Variants in TLL2 observed in about 807,000 individuals in gnomAD.
TLL2 encodes tolloid-like protein 2.
In TLL2, 106 loss-of-function variants were observed where a neutral mutation model predicts 123.0. The observed-to-expected ratio is 0.86, with a 90% confidence interval of 0.74 to 1.01. TLL2 has a LOEUF of 1.01. TLL2 is among the 50% of genes least tolerant of loss of function. TLL2 has a pLI of 0.00. For missense variants in TLL2, 1,332 were observed against 1,336.7 expected (o/e 1.00, Z 0.06); for synonymous variants, 494 against 516.8 (o/e 0.96, Z 0.60).
intron 8 of TLL2, 160 bp from the exon 9 acceptor site, chr10:96,410,634 A>G: frequency 4.3e-6 from 3 of 702,104 alleles, no homozygotes; most frequent in East Asian, 5.5e-5. Flanking sequence ...TTTCTGGCTA[A>G]CAAAAGCACA....
Position 96,386,846 on chromosome 10 carries a change from T to C in TLL2, c.1852+107A>G. 2.0e-6 allele frequency: 3 copies of C among 1,514,380 alleles called. No homozygotes were observed. The South Asian group carries it at 3.6e-5, about 18-fold the overall frequency. The allele number at this position is 1,514,380 out of a possible 1,614,324, so 93.8% of individuals were successfully genotyped here. ...TGGGTCTTCCACCATGTCTGCCCAT[T>C]GCCCATCGTTCCTACACAGCCAGCT... On this transcript the variant is annotated intron_variant, in intron 14 of 20. Coordinates refer to ENST00000357947, the MANE Select transcript of TLL2 (RefSeq NM_012465.4).
rs1356127683 is a variant in TLL2 at position 96,367,401 on chromosome 10, C to T, written c.*687G>A. 2.6e-5 allele frequency: 4 copies of T among 152,256 alleles called. No homozygotes were observed. The highest frequency in any genetic ancestry group is 9.6e-5 in the African/African-American group (4 of 41,452). The allele number at this position is 152,256 out of a possible 1,614,324, so 9.4% of individuals were successfully genotyped here. A position where few individuals can be genotyped will look rare whatever the true frequency, so the allele number is the denominator to read the frequency against. ...GTTCTGCTGTATTCATAATGGATGC[C>T]TTAGCCCCCACTGCAATTAGGGAGG... On this transcript the variant is annotated 3_prime_UTR_variant, in exon 21 of 21. Coordinates refer to ENST00000357947, the MANE Select transcript of TLL2 (RefSeq NM_012465.4).
intron 2 of TLL2, among the ~76,000 whole-genome samples, chr10:96,447,133 G>T (rs1344066995): frequency 6.6e-6 from 1 of 152,196 alleles, no homozygotes; most frequent in African/African-American, 2.4e-5. Context: ...GCCATGTGGA[G>T]ATCTGGCCAG....
intron 5 of TLL2, among the ~76,000 whole-genome samples, chr10:96,426,519 T>C (rs1329077290): frequency 1.3e-5 from 2 of 152,218 alleles, no homozygotes; most frequent in Non-Finnish European, 2.9e-5. Context: ...AGAATTCACC[T>C]GTGAAACTCT....
chr10:96,425,035 A>C (rs1846666488), intron 5 of TLL2, among the ~76,000 whole-genome samples: 1 of 151,614 alleles, frequency 6.6e-6, no homozygotes, highest in South Asian at 2.1e-4. Context: ...GAGTTATCTA[A>C]ATTATCCCAA....
intron 11 of TLL2, among the ~76,000 whole-genome samples, chr10:96,396,239 A>G (rs992213497): frequency 6.6e-6 from 1 of 152,146 alleles, no homozygotes; most frequent in Non-Finnish European, 1.5e-5. Context: ...AAACCACATA[A>G]AGCAGTGGTT....
At chr10:96,497,691 G>A (rs1314397116) in intron 1 of TLL2, among the ~76,000 whole-genome samples, 1 of 152,182 alleles carries the variant, frequency 6.6e-6, no homozygotes, top group Non-Finnish European at 1.5e-5. Flanking sequence ...GCTCATCTCT[G>A]TGTGTCTCAC....
chr10:96,400,666 G>C (rs55824480), intron 10 of TLL2, among the ~76,000 whole-genome samples: 16,952 of 152,266 alleles, frequency 0.11, 1,201 homozygotes, highest in South Asian at 0.19. Context: ...TGGCCTTTCT[G>C]AACTTCCCTC....
At chr10:96,429,750 C>A (rs185186829) in intron 4 of TLL2, among the ~76,000 whole-genome samples, 2 of 152,142 alleles carry the variant, frequency 1.3e-5, no homozygotes, top group Non-Finnish European at 2.9e-5. Flanking sequence ...TACTTTTGCA[C>A]GGGGTTTCAG....
intron 16 of TLL2, 134 bp from the exon 17 acceptor site, chr10:96,379,226 C>A: frequency 8.7e-7 from 1 of 1,155,646 alleles, no homozygotes. Flanking sequence ...TGATTGTTCC[C>A]TCACTGGAGG....
chr10:96,480,265 C>T (rs377530668), intron 2 of TLL2, 84 bp downstream of exon 2: 22 of 1,140,602 alleles, frequency 1.9e-5, no homozygotes, highest in South Asian at 5.3e-5. Context: ...AGTCAAACAC[C>T]GATGACTCGT....
chr10:96,467,844 T>C (rs891742391), intron 2 of TLL2, among the ~76,000 whole-genome samples: 1 of 152,228 alleles, frequency 6.6e-6, no homozygotes, highest in Non-Finnish European at 1.5e-5. Context: ...ACAGTCTTTC[T>C]GTTGGTCAAA....
chr10:96,446,640 C>G lies in TLL2; in HGVS notation c.287-472G>C, dbSNP rs567515356. ...TGCTGCCTTTGTTACCCTGTGCACT[C>G]TCTTAGTATTCGGGTTTCCTCTGTG... On this transcript the variant is annotated intron_variant, in intron 2 of 20. Coordinates refer to ENST00000357947, the MANE Select transcript of TLL2 (RefSeq NM_012465.4). Among the ~76,000 whole-genome samples, 10 of 152,284 alleles carry G rather than the reference C, an allele frequency of 6.6e-5. No individual in the cohort carries two copies. In the East Asian group the frequency reaches 1.9e-3, roughly 29 times the overall value.
chr10:96,466,424 G>C (rs138448133), intron 2 of TLL2, among the ~76,000 whole-genome samples: 36 of 152,322 alleles, frequency 2.4e-4, no homozygotes, highest in Middle Eastern at 3.4e-3. Context: ...CGGCAGAAAT[G>C]CAGCTTTGTC....
chr10:96,388,706 A>G (rs1245664314), intron 13 of TLL2, among the ~76,000 whole-genome samples: 1 of 152,014 alleles, frequency 6.6e-6, no homozygotes, highest in Non-Finnish European at 1.5e-5. Context: ...GCTTCCCTCT[A>G]CCCTGCCCTT....
In TLL2 at chr10:96,428,772, G is replaced by A. The variant is rs368233647; in HGVS notation, c.521-24C>T. On this transcript the variant is annotated intron_variant, in intron 4 of 20. Coordinates refer to ENST00000357947, the MANE Select transcript of TLL2 (RefSeq NM_012465.4). Reference sequence around the variant, plus strand: ...CCCTGAAACAACAGGGCAAGCACTCGACTTCAATGATGGGTCCATATTTTC... The same window carrying A: ...CCCTGAAACAACAGGGCAAGCACTCAACTTCAATGATGGGTCCATATTTTC... The A allele has an allele frequency of 9.9e-5, 144 of 1,447,268 alleles. No homozygotes were observed. The Middle Eastern group carries it at 1.4e-3, about 14-fold the overall frequency. 89.7% of individuals were successfully genotyped at this position (1,447,268 alleles called of 1,614,324 possible). A position where few individuals can be genotyped will look rare whatever the true frequency, so the allele number is the denominator to read the frequency against.
At chr10:96,473,798 G>A (rs1201595679) in intron 2 of TLL2, among the ~76,000 whole-genome samples, 5 of 152,152 alleles carry the variant, frequency 3.3e-5, no homozygotes, top group Non-Finnish European at 1.5e-5. Context: ...AAAGATGGAT[G>A]TGCCCAACGC....
chr10:96,504,431 G>A (rs971824967), intron 1 of TLL2, among the ~76,000 whole-genome samples: 10 of 152,086 alleles, frequency 6.6e-5, no homozygotes, highest in African/African-American at 2.2e-4. Flanking sequence ...CTGATATGGC[G>A]AAACTCCATC....
chr10:96,389,772 A>T (rs1846267180), intron 13 of TLL2, among the ~76,000 whole-genome samples: 1 of 152,260 alleles, frequency 6.6e-6, no homozygotes, highest in South Asian at 2.1e-4. Flanking sequence ...GTGAAGGGAG[A>T]GAGCCCGGTG....
Sources: gnomAD v4.1 joint callset for allele counts (sites outside exome capture counted in the v4.1 genomes callset) on GRCh38, gnomAD v4.1.1 for gene constraint, MANE v1.5 for transcripts, NCBI Gene and HGNC (gene_info 2026-07-23, HGNC 2026-07-21) for gene names.